Variants in G2E3 observed in about 807,000 individuals in gnomAD.
G2E3 encodes G2/M-phase specific E3 ubiquitin protein ligase, also known as G2/M phase-specific E3 ubiquitin-protein ligase.
Under a neutral mutation model 92.8 loss-of-function variants are expected in G2E3, and 35 were observed. The observed-to-expected ratio is 0.38, with a 90% confidence interval of 0.29 to 0.50. The LOEUF (loss-of-function observed/expected upper bound fraction) is 0.50, where lower values mean the gene tolerates loss of function less well. Ranked by LOEUF, G2E3 falls within the 20% of genes least tolerant of loss-of-function variation. The pLI, the probability that G2E3 is intolerant of heterozygous loss-of-function variation, is 0.94. For missense variants in G2E3, 554 were observed against 823.8 expected (o/e 0.67, Z 4.01); for synonymous variants, 242 against 272.4 (o/e 0.89, Z 1.10).
At chr14:30,591,243 A>G (rs554251739) in intron 4 of G2E3, among the ~76,000 whole-genome samples, 2 of 152,208 alleles carry the variant, frequency 1.3e-5, no homozygotes, top group South Asian at 2.1e-4. Context: ...GTGGTGCTCA[A>G]AGGGGTCAGC....
intron 12 of G2E3, among the ~76,000 whole-genome samples, chr14:30,609,520 G>A (rs1053555436): frequency 1.3e-5 from 2 of 151,982 alleles, no homozygotes; most frequent in African/African-American, 4.8e-5. Flanking sequence ...TCTTACCCCT[G>A]AAACTTAGCA....
At chr14:30,599,009 A>C (rs1881428349) in intron 8 of G2E3, among the ~76,000 whole-genome samples, 1 of 152,192 alleles carries the variant, frequency 6.6e-6, no homozygotes, top group Non-Finnish European at 1.5e-5. Flanking sequence ...TCATAATTTT[A>C]GAGGCTGGAA....
chr14:30,603,460 T>A (rs1297097939), intron 10 of G2E3, among the ~76,000 whole-genome samples: 1 of 152,216 alleles, frequency 6.6e-6, no homozygotes. Context: ...TTATATAGAT[T>A]TGCAAAAGAG....
chr14:30,587,436 A>G (rs1357499326), intron 3 of G2E3, among the ~76,000 whole-genome samples: 3 of 152,186 alleles, frequency 2.0e-5, no homozygotes, highest in Non-Finnish European at 4.4e-5. Context: ...GCATTAGTAC[A>G]TACAGTGTTT....
chr14:30,599,068 C>T (rs1285791350), intron 8 of G2E3, among the ~76,000 whole-genome samples: 1 of 152,158 alleles, frequency 6.6e-6, no homozygotes, highest in East Asian at 1.9e-4. Context: ...AGGCCTCCCT[C>T]CTTGGCTTGC....
intron 6 of G2E3, 61 bp from the exon 7 acceptor site, chr14:30,597,352 GTTACATA>G: frequency 1.2e-6 from 1 of 817,704 alleles, no homozygotes; most frequent in South Asian, 1.4e-5. Context: ...CACATGTTCT[GTTACATA>G]ATATATCACC....
Position 30,616,330 on chromosome 14 carries a change from C to T in G2E3, c.1917C>T (p.Cys639=). The change falls in exon 15 of 15, where the codon TGC becomes TGT. Residue 639 remains cysteine (C), a synonymous_variant. Transcript: ENST00000206595. The stretch of plus-strand genomic sequence containing the variant: ...ACATTCTTATTTTTGCAACTGGTTG[C>T]AGTTCCATTCCTCCAGCTGGATTTA... ...MEDILIFATG[C]SSIPPAGFKP... The T allele has an allele frequency of 6.2e-7, 1 of 1,608,326 alleles. No homozygotes were observed. Among genetic ancestry groups the T allele is most frequent in the South Asian group, 1.1e-5 (1 of 90,942 alleles).
intron 1 of G2E3, chr14:30,560,125 A>G (rs1294336704): frequency 1.4e-5 from 2 of 147,068 alleles, no homozygotes; most frequent in South Asian, 2.1e-4. Context: ...TTTTTTTTTA[A>G]TTTTTAATGA....
At position 30,592,316 on chromosome 14, in the gene G2E3, C is replaced by G. The variant is rs113720438; in HGVS notation, c.238-7C>G. On this transcript the variant is annotated splice_region_variant and splice_polypyrimidine_tract_variant and intron_variant, in intron 4 of 14. Transcript: ENST00000206595. ...GTTGTGACCCCTATTTTCACATACTCTTCTAGAAATGCTGTGTTTGCAAGA... is the reference window on the plus strand; with the variant it reads ...GTTGTGACCCCTATTTTCACATACTGTTCTAGAAATGCTGTGTTTGCAAGA... The G allele has an allele frequency of 4.3e-6, 7 of 1,611,794 alleles. No individual in the cohort carries two copies. The highest frequency in any genetic ancestry group is 1.1e-5 in the South Asian group (1 of 91,002).
At chr14:30,597,193 G>A (rs138398240) in intron 6 of G2E3, among the ~76,000 whole-genome samples, 31 of 152,240 alleles carry the variant, frequency 2.0e-4, no homozygotes, top group African/African-American at 7.2e-4. Context: ...ATATATGGGT[G>A]ATGTAAAGCT....
chr14:30,567,862 T>C (rs1879532052), intron 1 of G2E3, among the ~76,000 whole-genome samples: 1 of 152,220 alleles, frequency 6.6e-6, no homozygotes, highest in East Asian at 1.9e-4. Flanking sequence ...AGTTTTCCTT[T>C]TATTGATTTC....
At position 30,616,307 on chromosome 14, in the gene G2E3, A is replaced by T; in HGVS notation, c.1894A>T (p.Ile632Phe). Residue 632 changes from isoleucine to phenylalanine, a missense_variant, in exon 15 of 15, where the codon ATT (isoleucine) becomes TTT (phenylalanine). By Grantham distance (21) the Ile-to-Phe change is conservative. Around this residue, in one of 3 missense-constraint regions of G2E3, gnomAD observed 397 missense variants for 560.3 expected, o/e 0.71. Transcript: ENST00000206595. ...DGKSTTTMED[I>F]LIFATGCSSI... is the part of the protein sequence containing the mutation. ...TAAATCTACAACAACAATGGAAGAC[A>T]TTCTTATTTTTGCAACTGGTTGCAG... The T allele has an allele frequency of 6.2e-7, 1 of 1,609,116 alleles. No homozygotes were observed. Among genetic ancestry groups the T allele is most frequent in the Non-Finnish European group, 8.5e-7 (1 of 1,175,900 alleles).
chr14:30,612,053 C>T, intron 12 of G2E3, 154 bp from the exon 13 acceptor site: 1 of 573,526 alleles, frequency 1.7e-6, no homozygotes, highest in South Asian at 2.5e-5. Flanking sequence ...ACTGGATGAT[C>T]AGACATTTAT....
chr14:30,613,848 T>C (rs1284442716), intron 13 of G2E3, among the ~76,000 whole-genome samples: 1 of 152,176 alleles, frequency 6.6e-6, no homozygotes, highest in African/African-American at 2.4e-5. Flanking sequence ...CTGGAGAATT[T>C]AAGTATGAAG....
At chr14:30,608,806 GTTGT>G (rs1295921023) in intron 12 of G2E3, among the ~76,000 whole-genome samples, 20 of 152,192 alleles carry the variant, frequency 1.3e-4, no homozygotes, top group Admixed American at 1.3e-3. Context: ...AACAGGCAGT[GTTGT>G]TTAATGATTA....
Position 30,617,123 on chromosome 14 carries a change from C to A in G2E3, c.*589C>A, listed in dbSNP as rs1295223058. On this transcript the variant is annotated 3_prime_UTR_variant, in exon 15 of 15. Transcript: ENST00000206595. ...TGACCCACACTGCAATTAGATTATG[C>A]CTAGTGGGAAGTATTATATAAAAAG... 1 of 151,982 alleles carries A rather than the reference C, an allele frequency of 6.6e-6. No individual in the cohort carries two copies. The highest frequency in any genetic ancestry group is 1.5e-5 in the Non-Finnish European group (1 of 68,012). 9.4% of individuals were successfully genotyped at this position (151,982 alleles called of 1,614,324 possible).
intron 3 of G2E3, among the ~76,000 whole-genome samples, chr14:30,588,632 T>G (rs1353618531): frequency 6.6e-6 from 1 of 152,174 alleles, no homozygotes; most frequent in Non-Finnish European, 1.5e-5. Context: ...AATAGAATGC[T>G]AGAGCGGAAA....
At chr14:30,574,674 T>TTCTC (rs1879970867) in intron 1 of G2E3, 1 of 152,178 alleles carries the variant, frequency 6.6e-6, no homozygotes, top group African/African-American at 2.4e-5. Context: ...GAACATGCGG[T>TTCTC]ATTTGGTTTT....
chr14:30,571,694 T>A (rs1879772137), intron 1 of G2E3, among the ~76,000 whole-genome samples: 1 of 152,094 alleles, frequency 6.6e-6, no homozygotes. Context: ...TACAGTGAAT[T>A]ACCTTGGTAT....
Sources: gnomAD v4.1 joint callset for allele counts (sites outside exome capture counted in the v4.1 genomes callset) on GRCh38, gnomAD v4.1.1 for gene constraint, gnomAD v4.1.1 regional missense constraint, MANE v1.5 for transcripts, NCBI Gene and HGNC (gene_info 2026-07-23, HGNC 2026-07-21) for gene names.